HRH2: variants seen among roughly 807,000 people sequenced by gnomAD.
The protein encoded by HRH2 is histamine receptor H2.
HRH2 carries 4 observed loss-of-function variants against 20.1 expected under a neutral mutation model. The observed-to-expected ratio is 0.20, with a 90% CI of 0.10 to 0.45. HRH2 has a LOEUF of 0.45. Among genes scored for constraint, HRH2 ranks in the 20% least tolerant of loss-of-function variants. HRH2 has a pLI of 0.99. For synonymous variants in HRH2, 197 were observed against 200.7 expected (o/e 0.98, Z 0.16); for missense variants, 250 against 461.6 (o/e 0.54, Z 4.20).
intron 2 of HRH2, among the ~76,000 whole-genome samples, chr5:175,698,066 G>A (rs994195495): frequency 1.3e-5 from 2 of 152,234 alleles, no homozygotes; most frequent in African/African-American, 2.4e-5. Context: ...GCGCACACAC[G>A]CTCTTGCGTG....
chr5:175,699,509 T>C lies in HRH2; in HGVS notation c.1077-8270T>C, dbSNP rs945341701. ...CTCTCAGTCTGGGGTTTCTTGTGTGTTGTTCAGTACAGGATCAGCCCAGAG... is the reference window on the plus strand; with the variant it reads ...CTCTCAGTCTGGGGTTTCTTGTGTGCTGTTCAGTACAGGATCAGCCCAGAG... On this transcript the variant is annotated intron_variant, in intron 2 of 2. Coordinates refer to ENST00000636584, the MANE Select transcript of HRH2 (RefSeq NM_001367711.1). Among the ~76,000 whole-genome samples, 11 of 152,288 alleles carry C rather than the reference T, an allele frequency of 7.2e-5. No homozygotes were observed. In the East Asian group the frequency reaches 1.5e-3, roughly 21 times the overall value.
In HRH2 at chr5:175,674,227, G is replaced by A. The variant is rs115187878; in HGVS notation, c.-525-8482G>A. 3.5e-3 allele frequency among the ~76,000 whole-genome samples: 539 copies of A among 152,262 alleles called. 1 individual carries two copies. The highest frequency in any genetic ancestry group is 0.012 in the African/African-American group (494 of 41,568). On this transcript the variant is annotated intron_variant, in intron 1 of 2. Transcript: ENST00000636584. ...TTTCATGCCTTCTGCGGCAGGGGGGGTCTGGGGATATGGACGTTCAAAGCC... is the reference window on the plus strand; with the variant it reads ...TTTCATGCCTTCTGCGGCAGGGGGGATCTGGGGATATGGACGTTCAAAGCC...
intron 2 of HRH2, chr5:175,685,489 A>G (rs950917469): frequency 6.5e-7 from 1 of 1,549,236 alleles, no homozygotes; most frequent in Admixed American, 2.0e-5. Flanking sequence ...TCATTTGCAA[A>G]CATTCATCCA....
intron 2 of HRH2, among the ~76,000 whole-genome samples, chr5:175,704,319 T>A (rs922915697): frequency 6.6e-6 from 1 of 152,064 alleles, no homozygotes; most frequent in African/African-American, 2.4e-5. Context: ...AAATAGAAGG[T>A]TGCTTTAATA....
intron 2 of HRH2, among the ~76,000 whole-genome samples, chr5:175,707,416 CA>C (rs1213778545): frequency 3.3e-5 from 5 of 152,186 alleles, no homozygotes; most frequent in Admixed American, 6.5e-5. Context: ...GGCAACAGAA[CA>C]AGACCCTGTC....
In HRH2 at chr5:175,686,822, C is replaced by A. The variant is rs985730019; in HGVS notation, c.1076+2513C>A. Among the ~76,000 whole-genome samples, 1 of 152,228 alleles carries A rather than the reference C, an allele frequency of 6.6e-6. No homozygotes were observed. The highest frequency in any genetic ancestry group is 1.9e-4 in the East Asian group (1 of 5,190). ...TGGGAAAACTGAGGCACACAGAAGT[C>A]AAGTAAACTGCCCCAAGGGATACAA... On this transcript the variant is annotated intron_variant, in intron 2 of 2. Transcript: ENST00000636584. This position sits in a 1 kb window ranked among gnomAD's most constrained non-coding sequence, Gnocchi z 4.7.
At chr5:175,694,100 A>C (rs148273495) in intron 2 of HRH2, among the ~76,000 whole-genome samples, 17 of 152,182 alleles carry the variant, frequency 1.1e-4, no homozygotes, top group African/African-American at 3.6e-4. Flanking sequence ...CTGGGGAAGG[A>C]CCAATTGAGT....
chr5:175,679,583 AC>A (rs1168737475), intron 1 of HRH2, among the ~76,000 whole-genome samples: 1 of 152,260 alleles, frequency 6.6e-6, no homozygotes, highest in African/African-American at 2.4e-5. Context: ...CAGGTGCTGT[AC>A]AATCTAACTC....
At position 175,708,128 on chromosome 5, in the gene HRH2, G is replaced by A; in HGVS notation, c.*157G>A. The A allele has an allele frequency of 2.5e-6, 1 of 396,466 alleles. No individual in the cohort carries two copies. The highest frequency in any genetic ancestry group is 2.1e-5 in the African/African-American group (1 of 48,726). 24.6% of individuals were successfully genotyped at this position (396,466 alleles called of 1,614,324 possible). A position where few individuals can be genotyped will look rare whatever the true frequency, so the allele number is the denominator to read the frequency against. On this transcript the variant is annotated 3_prime_UTR_variant, in exon 3 of 3. Transcript: ENST00000636584. ...GCTGGGTGTGGGGTCCTCAGGCCTA[G>A]GGCGGAACAGCCTATTCTGTGCTCA...
intron 2 of HRH2, among the ~76,000 whole-genome samples, chr5:175,697,335 C>T (rs1296736379): frequency 1.3e-5 from 2 of 151,446 alleles, no homozygotes; most frequent in Non-Finnish European, 2.9e-5. Flanking sequence ...TGGTGGTGGG[C>T]GCCTGTAATC....
chr5:175,698,557 G>A (rs1443289867), intron 2 of HRH2, among the ~76,000 whole-genome samples: 1 of 152,206 alleles, frequency 6.6e-6, no homozygotes, highest in Non-Finnish European at 1.5e-5. Context: ...CTTAGTAAAT[G>A]CTACTTCTTG....
intron 1 of HRH2, among the ~76,000 whole-genome samples, chr5:175,666,065 G>A (rs1455757663): frequency 1.3e-5 from 2 of 152,148 alleles, no homozygotes; most frequent in African/African-American, 4.8e-5. Flanking sequence ...CTGTGTAGTG[G>A]CTCCCCATCC....
At chr5:175,699,808 C>T (rs1274049754) in intron 2 of HRH2, among the ~76,000 whole-genome samples, 1 of 152,148 alleles carries the variant, frequency 6.6e-6, no homozygotes, top group African/African-American at 2.4e-5. Context: ...CTCCTGACCT[C>T]GTGATCCGCC....
intron 1 of HRH2, among the ~76,000 whole-genome samples, chr5:175,673,706 T>TG (rs1561723776): frequency 9.9e-5 from 15 of 151,834 alleles, no homozygotes; most frequent in African/African-American, 3.4e-4. Flanking sequence ...GTTTTTTTTT[T>TG]TTGTTTTTTT....
Position 175,669,113 on chromosome 5 carries a change from G to A in HRH2, c.-526+10958G>A, listed in dbSNP as rs146713588. Reference sequence around the variant, plus strand: ...TCCTGCCTCGGCCTTCCAAAGTGCTGGGATTACAGGCCTGAGCCACAGCAC... The same window carrying A: ...TCCTGCCTCGGCCTTCCAAAGTGCTAGGATTACAGGCCTGAGCCACAGCAC... On this transcript the variant is annotated intron_variant, in intron 1 of 2. Coordinates refer to ENST00000636584, the MANE Select transcript of HRH2 (RefSeq NM_001367711.1). Among the ~76,000 whole-genome samples the A allele has an allele frequency of 4.8e-3, 733 of 152,096 alleles. 3 individuals carry two copies. Among genetic ancestry groups the A allele is most frequent in the Non-Finnish European group, 7.9e-3 (537 of 67,988 alleles).
intron 2 of HRH2, among the ~76,000 whole-genome samples, chr5:175,690,603 C>T (rs779409753): frequency 1.3e-5 from 2 of 152,108 alleles, no homozygotes; most frequent in Non-Finnish European, 2.9e-5. Context: ...TATCAAGCTA[C>T]ATTTGACATA....
intron 1 of HRH2, among the ~76,000 whole-genome samples, chr5:175,670,632 C>T (rs1043482870): frequency 6.6e-6 from 1 of 152,242 alleles, no homozygotes; most frequent in Admixed American, 6.5e-5. Context: ...AGCCTCCCCT[C>T]GGACCAGCAG....
chr5:175,658,409 A>T (rs547947495), intron 1 of HRH2, among the ~76,000 whole-genome samples: 1 of 152,140 alleles, frequency 6.6e-6, no homozygotes, highest in Non-Finnish European at 1.5e-5. Flanking sequence ...GCCTTCCCCA[A>T]GGGGGCGTTG....
At chr5:175,692,292 TATC>T (rs961780790) in intron 2 of HRH2, among the ~76,000 whole-genome samples, 3 of 152,260 alleles carry the variant, frequency 2.0e-5, no homozygotes, top group Non-Finnish European at 4.4e-5. Flanking sequence ...TTGAGCGGCA[TATC>T]ATTTTCACAG....
Sources: gnomAD v4.1 joint callset for allele counts (sites outside exome capture counted in the v4.1 genomes callset) on GRCh38, gnomAD v4.1.1 for gene constraint, Gnocchi (gnomAD v3.1) non-coding constraint, MANE v1.5 for transcripts, NCBI Gene and HGNC (gene_info 2026-07-23, HGNC 2026-07-21) for gene names.